POLN: variants seen among roughly 807,000 people sequenced by gnomAD.
POLN encodes DNA polymerase nu.
POLN carries 108 observed loss-of-function variants against 113.5 expected under a neutral mutation model. The ratio of observed to expected loss-of-function variants is 0.95; its 90% CI spans 0.81 to 1.12. The LOEUF is 1.12. POLN is among the 50% of genes most tolerant of loss of function. POLN has a pLI of 0.00. For missense variants in POLN, 1,097 were observed against 1,077.1 expected (o/e 1.02, Z -0.26); for synonymous variants, 386 against 391.5 (o/e 0.99, Z 0.17).
chr4:2,136,710 G>A (rs575880827), intron 16 of POLN, among the ~76,000 whole-genome samples: 4 of 152,324 alleles, frequency 2.6e-5, no homozygotes, highest in South Asian at 2.1e-4. Context: ...ACATGAGCCC[G>A]TTGCTTTTCT....
intron 2 of POLN, chr4:2,236,254 C>G (rs745360811): frequency 2.3e-5 from 37 of 1,611,948 alleles, no homozygotes; most frequent in Non-Finnish European, 3.0e-5. Flanking sequence ...AGCTGATTTC[C>G]TCCTTGATAC....
chr4:2,090,380 G>C (rs1316084434), intron 20 of POLN: 1 of 667,926 alleles, frequency 1.5e-6, no homozygotes, highest in Non-Finnish European at 2.6e-6. Context: ...GAATAAAAAC[G>C]AGCTTGATTA....
intron 19 of POLN, among the ~76,000 whole-genome samples, chr4:2,114,441 T>C (rs1020205967): frequency 1.3e-5 from 2 of 152,202 alleles, no homozygotes; most frequent in Non-Finnish European, 2.9e-5. Flanking sequence ...CACATTCCTT[T>C]GGATTTTATA....
chr4:2,100,145 T>C (rs1220003576), intron 19 of POLN, among the ~76,000 whole-genome samples: 1 of 151,740 alleles, frequency 6.6e-6, no homozygotes, highest in African/African-American at 2.4e-5. Flanking sequence ...ATCGTTTATA[T>C]GGTATGACTT....
At chr4:2,096,266 G>A (rs1456243996) in intron 19 of POLN, among the ~76,000 whole-genome samples, 1 of 152,184 alleles carries the variant, frequency 6.6e-6, no homozygotes, top group Non-Finnish European at 1.5e-5. Context: ...TGGGGTGCCT[G>A]GGCCTGGGCC....
chr4:2,230,701 G>T (rs545286861), intron 2 of POLN: 7 of 151,826 alleles, frequency 4.6e-5, no homozygotes, highest in Non-Finnish European at 1.0e-4. Flanking sequence ...CCCAAAACAT[G>T]TAGTTTTTAG....
intron 7 of POLN, among the ~76,000 whole-genome samples, chr4:2,186,632 T>C (rs7689703): frequency 0.16 from 24,602 of 151,964 alleles, 3,270 homozygotes; most frequent in East Asian, 0.35. Flanking sequence ...TGAGCAAACA[T>C]ACCTAATAAA....
intron 3 of POLN, 37 bp downstream of exon 3, chr4:2,229,062 G>C (rs1734484718): frequency 1.3e-6 from 2 of 1,540,628 alleles, no homozygotes; most frequent in Non-Finnish European, 1.8e-6. Context: ...AACATTCAAA[G>C]TATCAAGAGA....
chr4:2,075,462 C>T lies in POLN; in HGVS notation c.2445G>A (p.Pro815=), dbSNP rs763025349. ...GTTGCCCCAGGCTACCTGCACACTC[C>T]GGGATCTGCGGATCTTCCACTTCAA... ...LLFEVEDPQI[P]ECAALVRRTM... The change falls in exon 24 of 26, where the codon CCG becomes CCA. Residue 815 remains proline (P), a synonymous_variant. Coordinates refer to ENST00000511885, the MANE Select transcript of POLN (RefSeq NM_181808.4). 3.7e-5 allele frequency: 60 copies of T among 1,613,404 alleles called. No individual in the cohort carries two copies. Among genetic ancestry groups the T allele is most frequent in the African/African-American group, 9.3e-5 (7 of 74,956 alleles).
At position 2,077,458 on chromosome 4, in the gene POLN, A is replaced by C. The variant is rs557639232; in HGVS notation, c.2388-1939T>G. On this transcript the variant is annotated intron_variant, in intron 23 of 25. Transcript: ENST00000511885. ...GAGCAGGCTGCCCCCAGGGAGGGGG[A>C]GGTGGGCCTGTGCTTCATGTGCAGC... Among the ~76,000 whole-genome samples, 10 of 152,110 alleles carry C rather than the reference A, an allele frequency of 6.6e-5. No individual in the cohort carries two copies. The South Asian group carries it at 2.1e-3, about 32-fold the overall frequency.
rs1260192787 is a variant in POLN at position 2,072,257 on chromosome 4, G to A, written c.2560C>T (p.His854Tyr). ...CAGGCCTCCTGCAGTGGCACCAGGTGTCCCCATGAGCGGCCGGCACTCAGG... is the reference window on the plus strand; with the variant it reads ...CAGGCCTCCTGCAGTGGCACCAGGTATCCCCATGAGCGGCCGGCACTCAGG... Reference protein sequence around the residue: ...VSLSAGRSWGHLVPLQEAWGP... With the variant: ...VSLSAGRSWGYLVPLQEAWGP... The change falls in exon 26 of 26, where the codon CAC becomes TAC. Residue 854 changes from histidine (H) to tyrosine (Y), a missense_variant. Coordinates refer to ENST00000511885, the MANE Select transcript of POLN (RefSeq NM_181808.4). 2.5e-6 allele frequency: 4 copies of A among 1,596,108 alleles called. No homozygotes were observed. The highest frequency in any genetic ancestry group is 2.2e-5 in the East Asian group (1 of 44,546).
At chr4:2,196,423 C>T (rs987704087) in intron 6 of POLN, among the ~76,000 whole-genome samples, 42 of 152,208 alleles carry the variant, frequency 2.8e-4, no homozygotes, top group African/African-American at 9.9e-4. Context: ...CATGATGAGG[C>T]AAACAAATGA....
chr4:2,185,062 G>A (rs1031058021), intron 7 of POLN, among the ~76,000 whole-genome samples: 2 of 152,148 alleles, frequency 1.3e-5, no homozygotes, highest in Non-Finnish European at 2.9e-5. Flanking sequence ...AAGTGTTATA[G>A]CTAATAAATG....
At chr4:2,227,801 T>C (rs1193332770) in intron 3 of POLN, 2 of 152,226 alleles carry the variant, frequency 1.3e-5, no homozygotes, top group Non-Finnish European at 2.9e-5. Context: ...CCTCATATTA[T>C]AGCTGCCAGA....
chr4:2,094,152 G>T (rs1730727361), intron 20 of POLN, among the ~76,000 whole-genome samples: 1 of 152,042 alleles, frequency 6.6e-6, no homozygotes, highest in African/African-American at 2.4e-5. Flanking sequence ...TTCAAGACCA[G>T]CCTGGCCAAC....
At chr4:2,107,045 AT>A (rs1428198329) in intron 19 of POLN, among the ~76,000 whole-genome samples, 22 of 151,852 alleles carry the variant, frequency 1.4e-4, no homozygotes, top group Admixed American at 1.1e-3. Context: ...GTGCTATTCT[AT>A]TTTTCACATT....
At chr4:2,203,798 A>G (rs956231339) in intron 5 of POLN, among the ~76,000 whole-genome samples, 2 of 151,986 alleles carry the variant, frequency 1.3e-5, no homozygotes, top group Admixed American at 1.3e-4. Flanking sequence ...TGAAACAAAC[A>G]AACAAAATAC....
chr4:2,182,626 C>T (rs1343275486), intron 7 of POLN, among the ~76,000 whole-genome samples: 3 of 152,094 alleles, frequency 2.0e-5, no homozygotes, highest in African/African-American at 7.2e-5. Flanking sequence ...ACCTAGGAAA[C>T]TAATACAGAC....
chr4:2,234,016 T>C (rs1052221761), intron 2 of POLN, among the ~76,000 whole-genome samples: 3 of 151,520 alleles, frequency 2.0e-5, no homozygotes, highest in Admixed American at 2.0e-4. Flanking sequence ...AAAAGCTATA[T>C]ACACAAAGAT....
Sources: allele counts gnomAD v4.1 joint callset (sites outside exome capture counted in the v4.1 genomes callset), GRCh38; gene constraint gnomAD v4.1.1; transcripts MANE v1.5; gene names NCBI Gene and HGNC (gene_info 2026-07-23, HGNC 2026-07-21).